Variants in COL11A1 observed in about 807,000 individuals in gnomAD.
COL11A1 encodes collagen type XI alpha 1 chain, also known as collagen alpha-1(XI) chain.
In COL11A1, 74 loss-of-function variants were observed where a neutral mutation model predicts 265.2. The observed-to-expected ratio is 0.28, with a 90% CI of 0.23 to 0.34. The LOEUF (loss-of-function observed/expected upper bound fraction) is 0.34. Ranked by LOEUF, COL11A1 falls within the 10% of genes least tolerant of loss-of-function variation. The pLI is 1.00. For synonymous variants in COL11A1, 816 were observed against 727.6 expected (o/e 1.12, Z -1.96); for missense variants, 2,165 against 2,263.6 (o/e 0.96, Z 0.88).
chr1:102,967,261 G>A (rs1255336077), intron 37 of COL11A1, among the ~76,000 whole-genome samples: 2 of 8,258 alleles, frequency 2.4e-4, no homozygotes, highest in Non-Finnish European at 8.4e-4. Flanking sequence ...TTTTTTTTGA[G>A]ACGGAGTCTC....
At chr1:102,907,778 T>G (rs1654166540) in intron 54 of COL11A1, among the ~76,000 whole-genome samples, 1 of 152,040 alleles carries the variant, frequency 6.6e-6, no homozygotes, top group African/African-American at 2.4e-5. Flanking sequence ...GTGCATTTAT[T>G]TTATTAGCAT....
intron 41 of COL11A1, among the ~76,000 whole-genome samples, chr1:102,953,817 C>T (rs1180386590): frequency 6.6e-6 from 1 of 151,990 alleles, no homozygotes; most frequent in Non-Finnish European, 1.5e-5. Flanking sequence ...ATTGTTAATC[C>T]TAACTTTTAA....
chr1:103,034,714 T>C (rs1000503487), intron 4 of COL11A1, among the ~76,000 whole-genome samples: 6 of 152,050 alleles, frequency 3.9e-5, no homozygotes, highest in South Asian at 2.1e-4. Context: ...TCCTCTTAAC[T>C]GTTTTGCTTT....
In COL11A1 at chr1:103,085,537, T is replaced by C. The variant is rs571250643; in HGVS notation, c.107-2565A>G. Reference sequence around the variant, plus strand: ...CCTGACTGGGAACGGACTTTTTTTTTTTCTTATCAACATTATCACTGAACG... The same window carrying C: ...CCTGACTGGGAACGGACTTTTTTTTCTTCTTATCAACATTATCACTGAACG... On this transcript the variant is annotated intron_variant, in intron 1 of 66. Coordinates refer to ENST00000370096, the MANE Select transcript of COL11A1 (RefSeq NM_001854.4). 1.2e-4 allele frequency among the ~76,000 whole-genome samples: 18 copies of C among 152,312 alleles called. 1 individual carries two copies. In the South Asian group the frequency reaches 3.7e-3, roughly 32 times the overall value.
chr1:102,962,049 T>C lies in COL11A1; in HGVS notation c.3114+127A>G, dbSNP rs188434117. 2.1e-4 allele frequency: 216 copies of C among 1,037,326 alleles called. 3 individuals are homozygous for C. The East Asian group carries it at 3.3e-3, about 16-fold the overall frequency. The allele number at this position is 1,037,326 out of a possible 1,614,324, so 64.3% of individuals were successfully genotyped here. A position where few individuals can be genotyped will look rare whatever the true frequency, so the allele number is the denominator to read the frequency against. On this transcript the variant is annotated intron_variant, in intron 40 of 66. Transcript: ENST00000370096. ...ACATAACTACATATATACACATATATGTAATGATAATCAAATATATATGTT... is the reference window on the plus strand; with the variant it reads ...ACATAACTACATATATACACATATACGTAATGATAATCAAATATATATGTT...
At chr1:103,098,155 C>T (rs1673939958) in intron 1 of COL11A1, among the ~76,000 whole-genome samples, 1 of 151,806 alleles carries the variant, frequency 6.6e-6, no homozygotes, top group African/African-American at 2.4e-5. Flanking sequence ...TATTTATTGG[C>T]ATTTAGTTTA....
intron 30 of COL11A1, among the ~76,000 whole-genome samples, chr1:102,986,284 A>G (rs1663536546): frequency 6.6e-6 from 1 of 151,760 alleles, no homozygotes; most frequent in African/African-American, 2.4e-5. Context: ...GAAGCTGGAA[A>G]CCATCCTTCT....
chr1:102,890,130 A>G (rs1373794854), intron 58 of COL11A1, among the ~76,000 whole-genome samples: 3 of 152,196 alleles, frequency 2.0e-5, no homozygotes, highest in African/African-American at 7.2e-5. Flanking sequence ...TTTCACATTT[A>G]AAAACATAAA....
intron 46 of COL11A1, among the ~76,000 whole-genome samples, chr1:102,927,044 T>C (rs1656673886): frequency 6.6e-6 from 1 of 152,186 alleles, no homozygotes; most frequent in African/African-American, 2.4e-5. Context: ...GTTTTAACAG[T>C]AATAATTCAT....
Position 102,997,062 on chromosome 1 carries a change from G to A in COL11A1, c.2241+18C>T. 6.2e-7 allele frequency: 1 copy of A among 1,607,912 alleles called. No individual in the cohort carries two copies. Among genetic ancestry groups the A allele is most frequent in the Non-Finnish European group, 8.5e-7 (1 of 1,174,908 alleles). ...AAATTTATTAATAGGACATTTAAAT[G>A]GATACTTTGGAACCTACCAGAGCCC... On this transcript the variant is annotated intron_variant, in intron 26 of 66. Transcript: ENST00000370096.
intron 54 of COL11A1, among the ~76,000 whole-genome samples, chr1:102,904,347 T>C (rs963703489): frequency 3.9e-5 from 6 of 152,080 alleles, no homozygotes; most frequent in Non-Finnish European, 8.8e-5. Flanking sequence ...CCAAAAGCAA[T>C]GGCAACAAAA....
rs556861717 is a variant in COL11A1, at chr1:103,062,726, A to G, written c.651+11892T>C. Among the ~76,000 whole-genome samples the G allele has an allele frequency of 1.3e-3, 203 of 152,136 alleles. 1 individual carries two copies. Among genetic ancestry groups the G allele is most frequent in the African/African-American group, 4.7e-3 (195 of 41,584 alleles). Reference sequence around the variant, plus strand: ...TGTCCTCTGTTAATATTGCATTTCTACATCATACTGGGAGTCCTAGTTGAT... The same window carrying G: ...TGTCCTCTGTTAATATTGCATTTCTGCATCATACTGGGAGTCCTAGTTGAT... On this transcript the variant is annotated intron_variant, in intron 4 of 66. Transcript: ENST00000370096.
chr1:102,893,525 A>G (rs947260218), intron 57 of COL11A1, among the ~76,000 whole-genome samples: 3 of 152,154 alleles, frequency 2.0e-5, no homozygotes, highest in African/African-American at 7.2e-5. Flanking sequence ...TTCTAACTAT[A>G]CATATTTTCT....
chr1:103,023,265 C>T (rs893601094), intron 7 of COL11A1, among the ~76,000 whole-genome samples: 1 of 151,852 alleles, frequency 6.6e-6, no homozygotes, highest in Non-Finnish European at 1.5e-5. Flanking sequence ...TTTGCTTGTT[C>T]CATTGGAAAA....
At chr1:103,066,915 T>C (rs569024835) in intron 4 of COL11A1, among the ~76,000 whole-genome samples, 1 of 151,804 alleles carries the variant, frequency 6.6e-6, no homozygotes, top group Admixed American at 6.6e-5. Context: ...AAAGTAGACG[T>C]CAAGGCAAAA....
intron 8 of COL11A1, among the ~76,000 whole-genome samples, chr1:103,022,119 G>C (rs112648035): frequency 6.6e-6 from 1 of 151,088 alleles, no homozygotes; most frequent in African/African-American, 2.4e-5. Context: ...GCCTCCCAAA[G>C]TGCTAGGATT....
chr1:103,082,891 T>C lies in COL11A1; in HGVS notation c.188A>G (p.Asn63Ser), dbSNP rs757797166. 1.9e-6 allele frequency: 3 copies of C among 1,613,778 alleles called. No individual in the cohort carries two copies. The South Asian group carries it at 3.3e-5, about 18-fold the overall frequency. ...ATCTGAGCCTTTAGAATTCTTTCTG[T>C]TTGTGCAAAATCCCGTTGTTTTTGA... ...GISKTTGFCTNRKNSKGSDTA... is the reference protein window; with the variant it reads ...GISKTTGFCTSRKNSKGSDTA... The change falls in exon 2 of 67, where the codon AAC becomes AGC. Residue 63 changes from asparagine to serine, a missense_variant. Coordinates refer to ENST00000370096, the MANE Select transcript of COL11A1 (RefSeq NM_001854.4).
At chr1:102,999,217 A>T (rs1664897509) in intron 24 of COL11A1, among the ~76,000 whole-genome samples, 1 of 152,014 alleles carries the variant, frequency 6.6e-6, no homozygotes, top group Non-Finnish European at 1.5e-5. Context: ...CAGGGAGTAA[A>T]GTACAATCAT....
intron 11 of COL11A1, among the ~76,000 whole-genome samples, chr1:103,017,226 C>A (rs1028308126): frequency 6.6e-6 from 1 of 151,970 alleles, no homozygotes; most frequent in Non-Finnish European, 1.5e-5. Flanking sequence ...AATCTTCCTT[C>A]ATTAAATTTA....
Sources: gnomAD v4.1 joint callset for allele counts (sites outside exome capture counted in the v4.1 genomes callset) on GRCh38, gnomAD v4.1.1 for gene constraint, MANE v1.5 for transcripts, NCBI Gene and HGNC (gene_info 2026-07-23, HGNC 2026-07-21) for gene names.